Variants in HIVEP3 observed in about 807,000 individuals in gnomAD.
HIVEP3 encodes transcription factor HIVEP3.
HIVEP3 carries 49 observed loss-of-function variants against 152.8 expected under a neutral mutation model. The ratio of observed to expected loss-of-function variants is 0.32; its 90% CI spans 0.26 to 0.41. The LOEUF is 0.41. HIVEP3 is among the 10% of genes least tolerant of loss of function. The pLI, the probability that HIVEP3 is intolerant of heterozygous loss-of-function variation, is 1.00. For synonymous variants in HIVEP3, 1,269 were observed against 1,289.0 expected (o/e 0.98, Z 0.33); for missense variants, 2,790 against 3,103.3 (o/e 0.90, Z 2.40).
At chr1:41,931,437 T>C (rs1436489923) in intron 1 of HIVEP3, among the ~76,000 whole-genome samples, 1 of 152,090 alleles carries the variant, frequency 6.6e-6, no homozygotes, top group Non-Finnish European at 1.5e-5. Flanking sequence ...GGCTCTCAAC[T>C]CTGTTCCACT....
rs868399071 is a variant in HIVEP3 at position 41,851,707 on chromosome 1, C to T, written c.-801+66706G>A. ...GTTAGACTACTGAGCTTTAATAGAA[C>T]GTGGAAGGAGAAAAACGTGCCCTTA... On this transcript the variant is annotated intron_variant, in intron 1 of 8. Transcript: ENST00000372583. Among the ~76,000 whole-genome samples, 11 of 152,118 alleles carry T rather than the reference C, an allele frequency of 7.2e-5. 1 individual carries two copies. Among genetic ancestry groups the T allele is most frequent in the Non-Finnish European group, 1.0e-4 (7 of 68,024 alleles).
At chr1:41,947,367 G>A (rs760863852) in intron 1 of HIVEP3, among the ~76,000 whole-genome samples, 10 of 152,122 alleles carry the variant, frequency 6.6e-5, no homozygotes, top group Admixed American at 1.3e-4. Flanking sequence ...TAAATACTTC[G>A]GGCTAAAATT....
chr1:42,013,791 C>T (rs911323209), intron 1 of HIVEP3, among the ~76,000 whole-genome samples: 2 of 152,100 alleles, frequency 1.3e-5, no homozygotes, highest in Admixed American at 6.6e-5. Context: ...AGAAAGACAC[C>T]CCAGGAATTT....
intron 4 of HIVEP3, 29 bp from the exon 5 acceptor site, chr1:41,575,718 T>C: frequency 6.2e-7 from 1 of 1,611,872 alleles, no homozygotes; most frequent in African/African-American, 1.3e-5. Context: ...GACAAAATCA[T>C]TGCTGGTTAA....
At chr1:41,615,271 A>G (rs1388489456) in intron 3 of HIVEP3, among the ~76,000 whole-genome samples, 2 of 152,220 alleles carry the variant, frequency 1.3e-5, no homozygotes, top group African/African-American at 4.8e-5. Flanking sequence ...AACTTCCAGC[A>G]TGTTCTCCCA....
rs541535210 is a variant in HIVEP3 at position 41,910,348 on chromosome 1, C to T, written c.-801+8065G>A. On this transcript the variant is annotated intron_variant, in intron 1 of 8. Transcript: ENST00000372583. ...AAATTTCTAGAAAAATCTAATTTACCAATATTGATTTAAGAAAAAAATTAA... is the reference window on the plus strand; with the variant it reads ...AAATTTCTAGAAAAATCTAATTTACTAATATTGATTTAAGAAAAAAATTAA... Among the ~76,000 whole-genome samples, 272 of 151,680 alleles carry T rather than the reference C, an allele frequency of 1.8e-3. 1 individual carries two copies. The highest frequency in any genetic ancestry group is 6.4e-3 in the African/African-American group (263 of 41,396).
chr1:41,722,402 G>GGCCTGCCT (rs879508855), intron 1 of HIVEP3, among the ~76,000 whole-genome samples: 5 of 123,930 alleles, frequency 4.0e-5, no homozygotes, highest in African/African-American at 1.9e-4. Context: ...AAATTTGGCT[G>GGCCTGCCT]GCCTTCCTTC....
intron 1 of HIVEP3, among the ~76,000 whole-genome samples, chr1:41,947,525 G>A (rs1017302210): frequency 2.0e-5 from 3 of 152,204 alleles, no homozygotes; most frequent in Non-Finnish European, 4.4e-5. Flanking sequence ...AAATAGCCAG[G>A]CCATTACATA....
chr1:42,022,875 G>T lies in HIVEP3; in HGVS notation n.119+12932C>A, dbSNP rs148944171. 3.1e-3 allele frequency among the ~76,000 whole-genome samples: 473 copies of T among 152,278 alleles called. 3 individuals are homozygous for T. The highest frequency in any genetic ancestry group is 0.011 in the African/African-American group (447 of 41,554). On this transcript the variant is annotated intron_variant and non_coding_transcript_variant, in intron 1 of 3. Coordinates refer to the HIVEP3 transcript ENST00000489103. ...TTTTAGGCACTACAGAACATGGTGA[G>T]ATATAATGATGAATAAAATGGACAC...
At chr1:41,642,148 A>G (rs1300891773) in intron 2 of HIVEP3, among the ~76,000 whole-genome samples, 1 of 152,226 alleles carries the variant, frequency 6.6e-6, no homozygotes, top group Non-Finnish European at 1.5e-5. Context: ...CAACAGCAAC[A>G]GCGTCTGCAC....
chr1:41,770,568 A>T (rs968508076), intron 1 of HIVEP3, among the ~76,000 whole-genome samples: 4 of 152,196 alleles, frequency 2.6e-5, no homozygotes, highest in African/African-American at 9.7e-5. Flanking sequence ...GCCCCCCAAT[A>T]TAATGCAATG....
intron 1 of HIVEP3, among the ~76,000 whole-genome samples, chr1:41,928,608 C>A (rs1644979614): frequency 6.6e-6 from 1 of 152,176 alleles, no homozygotes; most frequent in Non-Finnish European, 1.5e-5. Context: ...TCCCACATTG[C>A]ATTTAGTTGA....
At chr1:41,628,617 G>A in intron 3 of HIVEP3, 132 bp downstream of exon 3, 1 of 712,262 alleles carries the variant, frequency 1.4e-6, no homozygotes, top group Admixed American at 4.3e-5. Flanking sequence ...TTTCACAGAG[G>A]CACCAGAAAG....
intron 2 of HIVEP3, among the ~76,000 whole-genome samples, chr1:41,684,959 A>C (rs1382333603): frequency 6.6e-6 from 1 of 152,100 alleles, no homozygotes; most frequent in African/African-American, 2.4e-5. Context: ...ACCTTCTCTT[A>C]CTGTTATATG....
chr1:41,800,876 G>C (rs1650261845), intron 1 of HIVEP3, among the ~76,000 whole-genome samples: 1 of 152,110 alleles, frequency 6.6e-6, no homozygotes. Flanking sequence ...TTCCAGACAG[G>C]GCCTATTACC....
In HIVEP3 at chr1:41,838,506, G is replaced by C. The variant is rs146579194; in HGVS notation, c.-801+79907C>G. On this transcript the variant is annotated intron_variant, in intron 1 of 8. Coordinates refer to ENST00000372583, the MANE Select transcript of HIVEP3 (RefSeq NM_024503.5). ...CCGCTTGTGGTCGGCCTCGGATCTG[G>C]CCTCCCCTTCCCTCCTGAGCCACAT... Among the ~76,000 whole-genome samples the C allele has an allele frequency of 2.5e-3, 388 of 152,176 alleles. 1 individual carries two copies. The highest frequency in any genetic ancestry group is 8.7e-3 in the African/African-American group (363 of 41,510).
chr1:41,510,309 G>C lies in HIVEP3; in HGVS notation c.*142C>G. On this transcript the variant is annotated 3_prime_UTR_variant, in exon 9 of 9. Transcript: ENST00000372583. Reference sequence around the variant, plus strand: ...AAAGGCACAGGTAACTGCATACATGGGAAGGTACAACAGATGGGGCCGTGA... The same window carrying C: ...AAAGGCACAGGTAACTGCATACATGCGAAGGTACAACAGATGGGGCCGTGA... 1 of 577,756 alleles carries C rather than the reference G, an allele frequency of 1.7e-6. No homozygotes were observed. Among genetic ancestry groups the C allele is most frequent in the Admixed American group, 4.0e-5 (1 of 25,054 alleles). 35.8% of individuals were successfully genotyped at this position (577,756 alleles called of 1,614,324 possible). A position where few individuals can be genotyped will look rare whatever the true frequency, so the allele number is the denominator to read the frequency against.
At position 41,506,791 on chromosome 1, in the gene HIVEP3, C is replaced by T. The variant is rs1357819108; in HGVS notation, c.*3660G>A. The T allele has an allele frequency of 1.3e-5, 2 of 152,076 alleles. No homozygotes were observed. The highest frequency in any genetic ancestry group is 6.5e-5 in the Admixed American group (1 of 15,274). 9.4% of individuals were successfully genotyped at this position (152,076 alleles called of 1,614,324 possible). The stretch of plus-strand genomic sequence containing the variant: ...CATTTAAGAACATAGAAACTTTCTA[C>T]AGACAATTTCACATACAGAATACGT... On this transcript the variant is annotated 3_prime_UTR_variant, in exon 9 of 9. Transcript: ENST00000372583.
At chr1:41,886,836 G>A (rs1644356102) in intron 1 of HIVEP3, among the ~76,000 whole-genome samples, 2 of 151,278 alleles carry the variant, frequency 1.3e-5, no homozygotes, top group South Asian at 4.2e-4. Flanking sequence ...GGAAAATTTA[G>A]TTTTCACTGA....
Sources: gnomAD v4.1 joint callset for allele counts (sites outside exome capture counted in the v4.1 genomes callset) on GRCh38, gnomAD v4.1.1 for gene constraint, MANE v1.5 for transcripts, NCBI Gene and HGNC (gene_info 2026-07-23, HGNC 2026-07-21) for gene names.